PABPC4L: variants seen among roughly 807,000 people sequenced by gnomAD.
PABPC4L encodes polyadenylate-binding protein 4-like.
For synonymous variants in PABPC4L, 169 were observed against 164.1 expected (o/e 1.03, Z -0.23); for missense variants, 452 against 451.4 (o/e 1.00, Z -0.01).
the PABPC4L span, among the ~76,000 whole-genome samples, chr4:134,016,821 C>T: frequency 6.6e-6 from 1 of 152,144 alleles, no homozygotes; most frequent in East Asian, 1.9e-4. Context: ...TGCTATTCTA[C>T]TACCCCTCAG....
At chr4:134,011,631 C>CT in the PABPC4L span, among the ~76,000 whole-genome samples, 1 of 151,872 alleles carries the variant, frequency 6.6e-6, no homozygotes, top group African/African-American at 2.4e-5. Context: ...TTTATTCTCT[C>CT]TTTTTTTGCC....
the PABPC4L span, among the ~76,000 whole-genome samples, chr4:134,168,348 T>C: frequency 6.6e-6 from 1 of 151,840 alleles, no homozygotes; most frequent in African/African-American, 2.4e-5. Flanking sequence ...TAACTAATGA[T>C]GCATCTTAAA....
chr4:134,149,842 A>C, the PABPC4L span, among the ~76,000 whole-genome samples: 1 of 152,248 alleles, frequency 6.6e-6, no homozygotes, highest in South Asian at 2.1e-4. Flanking sequence ...TAATCAATAT[A>C]TCACACAGTG....
the PABPC4L span, among the ~76,000 whole-genome samples, chr4:134,009,574 A>C: frequency 6.6e-6 from 1 of 151,948 alleles, no homozygotes; most frequent in Non-Finnish European, 1.5e-5. Flanking sequence ...CTAGCCTTTC[A>C]CTTTGATAGC....
At chr4:134,127,315 A>G in the PABPC4L span, among the ~76,000 whole-genome samples, 1 of 152,044 alleles carries the variant, frequency 6.6e-6, no homozygotes, top group Admixed American at 6.6e-5. Context: ...GCCCTCTTCA[A>G]AGCTCCAACT....
At chr4:134,001,353 T>A in the PABPC4L span, among the ~76,000 whole-genome samples, 1 of 151,916 alleles carries the variant, frequency 6.6e-6, no homozygotes, top group Non-Finnish European at 1.5e-5. Context: ...TACATTATCC[T>A]ACACTGCTCA....
Position 134,196,351 on chromosome 4 carries a change from AG to A in PABPC4L, c.*3555del, listed in dbSNP as rs1729655965. On this transcript the variant is annotated 3_prime_UTR_variant, in exon 2 of 2. Coordinates refer to ENST00000421491, the MANE Select transcript of PABPC4L (RefSeq NM_001114734.2). ...AACATGCTTTCACCTTTGAAATATT[AG>A]ATTTTATTTGACATTTTCTCAGTGG... The A allele has an allele frequency of 6.6e-6, 1 of 151,908 alleles. No individual in the cohort carries two copies. The highest frequency in any genetic ancestry group is 3.4e-3 in the Middle Eastern group (1 of 294). 9.4% of individuals were successfully genotyped at this position (151,908 alleles called of 1,614,324 possible).
chr4:134,147,962 G>A, the PABPC4L span, among the ~76,000 whole-genome samples: 2 of 152,066 alleles, frequency 1.3e-5, no homozygotes, highest in African/African-American at 2.4e-5. Context: ...ATGGCATAAA[G>A]TCACACTTCA....
rs1462164477 is a variant in PABPC4L, at chr4:134,198,877, TA to T, written c.*1029del. On this transcript the variant is annotated 3_prime_UTR_variant, in exon 2 of 2. Coordinates refer to ENST00000421491, the MANE Select transcript of PABPC4L (RefSeq NM_001114734.2). Reference sequence around the variant, plus strand: ...ATCAGTGTTTCTGATCAATGAAGGCTAAAAGTGAACCTTAATGGGTTCCATA... The same window carrying T: ...ATCAGTGTTTCTGATCAATGAAGGCTAAAGTGAACCTTAATGGGTTCCATA... The T allele has an allele frequency of 6.6e-6, 1 of 152,106 alleles. No homozygotes were observed. Among genetic ancestry groups the T allele is most frequent in the African/African-American group, 2.4e-5 (1 of 41,560 alleles). The allele number at this position is 152,106 out of a possible 1,614,324, so 9.4% of individuals were successfully genotyped here. A position where few individuals can be genotyped will look rare whatever the true frequency, so the allele number is the denominator to read the frequency against.
At chr4:134,157,305 A>C in the PABPC4L span, among the ~76,000 whole-genome samples, 1 of 151,554 alleles carries the variant, frequency 6.6e-6, no homozygotes, top group Middle Eastern at 3.4e-3. Context: ...TTGTGGTATA[A>C]AATGATGAAT....
At chr4:133,997,867 ATCTTG>A in the PABPC4L span, among the ~76,000 whole-genome samples, 4 of 152,156 alleles carry the variant, frequency 2.6e-5, no homozygotes, top group Non-Finnish European at 4.4e-5. Flanking sequence ...AGCTGAAGTT[ATCTTG>A]TCTTATCTTT....
chr4:134,083,235 T>C, the PABPC4L span, among the ~76,000 whole-genome samples: 1 of 152,188 alleles, frequency 6.6e-6, no homozygotes, highest in Admixed American at 6.6e-5. Context: ...TGAAATTGGT[T>C]CCTCTGTTTA....
chr4:134,074,600 T>G, the PABPC4L span, among the ~76,000 whole-genome samples: 1 of 152,168 alleles, frequency 6.6e-6, no homozygotes, highest in African/African-American at 2.4e-5. Flanking sequence ...TAGTACCAAT[T>G]TACTGTATTA....
chr4:134,009,759 C>CA, the PABPC4L span, among the ~76,000 whole-genome samples: 2 of 151,808 alleles, frequency 1.3e-5, no homozygotes, highest in African/African-American at 4.8e-5. Flanking sequence ...TTGAATTGTG[C>CA]AAAAAATCCT....
chr4:134,100,181 C>T, the PABPC4L span, among the ~76,000 whole-genome samples: 1 of 151,596 alleles, frequency 6.6e-6, no homozygotes, highest in African/African-American at 2.4e-5. Context: ...GGCTTGAACT[C>T]CAAGCATCAG....
the PABPC4L span, among the ~76,000 whole-genome samples, chr4:134,092,035 T>C: frequency 6.6e-6 from 1 of 152,176 alleles, no homozygotes; most frequent in Admixed American, 6.5e-5. Flanking sequence ...TCATTTTCAA[T>C]GCTCTGGAAC....
chr4:134,017,073 T>C, the PABPC4L span, among the ~76,000 whole-genome samples: 1 of 152,154 alleles, frequency 6.6e-6, no homozygotes, highest in Admixed American at 6.5e-5. Context: ...CTCTATACAG[T>C]CCTATAACAG....
At chr4:134,093,717 T>C in the PABPC4L span, among the ~76,000 whole-genome samples, 3 of 151,536 alleles carry the variant, frequency 2.0e-5, no homozygotes, top group Admixed American at 1.3e-4. Flanking sequence ...TTTTGATTTA[T>C]TACAATGATT....
the PABPC4L span, among the ~76,000 whole-genome samples, chr4:134,005,438 A>G: frequency 6.6e-6 from 1 of 151,898 alleles, no homozygotes; most frequent in East Asian, 1.9e-4. Flanking sequence ...TTTATACTTT[A>G]CAAGATCATT....
Sources: allele counts gnomAD v4.1 joint callset (sites outside exome capture counted in the v4.1 genomes callset), GRCh38; gene constraint gnomAD v4.1.1; transcripts MANE v1.5; gene names NCBI Gene and HGNC (gene_info 2026-07-23, HGNC 2026-07-21).